The following CBLN2 variants were observed in gnomAD, a reference collection of about 807,000 sequenced individuals.
The protein encoded by CBLN2 is cerebellin-2.
In CBLN2, 7 loss-of-function variants were observed where a neutral mutation model predicts 15.0. The ratio of observed to expected loss-of-function variants is 0.47; its 90% CI spans 0.27 to 0.88. The LOEUF is 0.88. Ranked by LOEUF, CBLN2 falls within the 40% of genes least tolerant of loss-of-function variation. CBLN2 has a pLI of 0.14. For synonymous variants in CBLN2, 149 were observed against 135.2 expected (o/e 1.10, Z -0.71); for missense variants, 242 against 304.5 (o/e 0.79, Z 1.53).
At chr18:72,615,177 T>TTATATATGTGTATATATATGTACA (rs1266412625) in intron 1 of CBLN2, among the ~76,000 whole-genome samples, 7 of 131,500 alleles carry the variant, frequency 5.3e-5, no homozygotes, top group Admixed American at 1.7e-4. Flanking sequence ...AAATATATAT[T>TTATATATGTGTATATATATGTACA]TATATATTAT....
intron 1 of CBLN2, among the ~76,000 whole-genome samples, chr18:72,609,545 G>A (rs1370230624): frequency 6.6e-6 from 1 of 152,156 alleles, no homozygotes; most frequent in East Asian, 1.9e-4. Flanking sequence ...AAACCACCCA[G>A]ACTGTGGTAC....
At chr18:72,590,006 G>A (rs970617066) in intron 1 of CBLN2, among the ~76,000 whole-genome samples, 5 of 152,092 alleles carry the variant, frequency 3.3e-5, no homozygotes, top group African/African-American at 7.2e-5. Context: ...GGTGGCTCTC[G>A]CCTGTAATCC....
At chr18:72,599,526 T>G (rs1458026472) in intron 1 of CBLN2, among the ~76,000 whole-genome samples, 1 of 152,230 alleles carries the variant, frequency 6.6e-6, no homozygotes, top group Admixed American at 6.5e-5. Context: ...TTTATAGAAC[T>G]AATTTTGTGG....
At chr18:72,634,044 T>C (rs930928503) in intron 1 of CBLN2, among the ~76,000 whole-genome samples, 1 of 150,928 alleles carries the variant, frequency 6.6e-6, no homozygotes, top group Admixed American at 6.6e-5. Flanking sequence ...CTTTAAGTTA[T>C]GTTAAATAAA....
intron 1 of CBLN2, among the ~76,000 whole-genome samples, chr18:72,599,456 G>T (rs2069533882): frequency 6.6e-6 from 1 of 152,034 alleles, no homozygotes; most frequent in Non-Finnish European, 1.5e-5. Context: ...TGTATATAAA[G>T]GATATAATCT....
intron 1 of CBLN2, among the ~76,000 whole-genome samples, chr18:72,613,850 G>C (rs1300687922): frequency 6.6e-6 from 1 of 152,124 alleles, no homozygotes; most frequent in African/African-American, 2.4e-5. Context: ...ATTTATTCCT[G>C]TACACCGTTG....
intron 1 of CBLN2, among the ~76,000 whole-genome samples, chr18:72,623,037 G>A (rs144189430): frequency 3.3e-5 from 5 of 152,146 alleles, no homozygotes; most frequent in Admixed American, 3.3e-4. Flanking sequence ...GGAAGCCTCA[G>A]GAAACTTACA....
chr18:72,618,902 A>G, intron 1 of CBLN2: 1 of 729,008 alleles, frequency 1.4e-6, no homozygotes, highest in Non-Finnish European at 2.5e-6. Flanking sequence ...TTTGGTGGGA[A>G]TGACAACTTT....
chr18:72,609,531 G>A (rs538034759), intron 1 of CBLN2, among the ~76,000 whole-genome samples: 2 of 152,108 alleles, frequency 1.3e-5, no homozygotes, highest in African/African-American at 4.8e-5. Context: ...ACTTTATTTC[G>A]CTTAAACCAC....
In CBLN2 at chr18:72,610,830, G is replaced by A. The variant is rs555351201; in HGVS notation, c.15+27495C>T. Among the ~76,000 whole-genome samples the A allele has an allele frequency of 2.2e-4, 34 of 152,190 alleles. 1 individual carries two copies. In the South Asian group the frequency reaches 6.4e-3, roughly 29 times the overall value. ...GTATATTGCATGATGATGAGGTTTG[G>A]GATACAATTGGTCACTTGGGTACTG... On this transcript the variant is annotated intron_variant, in intron 1 of 2. Transcript: ENST00000581073.
chr18:72,598,551 A>C (rs1347562591), intron 1 of CBLN2, among the ~76,000 whole-genome samples: 2 of 152,198 alleles, frequency 1.3e-5, no homozygotes, highest in African/African-American at 2.4e-5. Context: ...TTTCTTGGCC[A>C]CACTGGCTGG....
rs373948488 is a variant in CBLN2 at position 72,596,247 on chromosome 18, C to A, written c.15+42078G>T. The stretch of plus-strand genomic sequence containing the variant: ...ATATTTTATTGCCCATGATTTGAAA[C>A]TGATGACAATTAACACTGCATAAAC... On this transcript the variant is annotated intron_variant, in intron 1 of 2. Transcript: ENST00000581073. Among the ~76,000 whole-genome samples, 4 of 152,054 alleles carry A rather than the reference C, an allele frequency of 2.6e-5. No individual in the cohort carries two copies. In the East Asian group the frequency reaches 7.7e-4, roughly 29 times the overall value.
intron 1 of CBLN2, among the ~76,000 whole-genome samples, chr18:72,619,846 T>G (rs1264926967): frequency 6.6e-6 from 1 of 152,268 alleles, no homozygotes. Context: ...ATGGGATTTG[T>G]GACAGAGGTG....
chr18:72,546,187 C>G (rs2069156525), upstream of CBLN2, among the ~76,000 whole-genome samples: 2 of 152,154 alleles, frequency 1.3e-5, no homozygotes, highest in South Asian at 4.1e-4. Context: ...CCTGTAATCC[C>G]AGCACTTTGG....
At chr18:72,635,539 C>A (rs2069806856) in intron 1 of CBLN2, among the ~76,000 whole-genome samples, 1 of 151,934 alleles carries the variant, frequency 6.6e-6, no homozygotes. Context: ...GGTCAACTGA[C>A]TTATAACAAT....
At chr18:72,629,247 T>C (rs145782370) in intron 1 of CBLN2, among the ~76,000 whole-genome samples, 16 of 152,286 alleles carry the variant, frequency 1.1e-4, no homozygotes, top group African/African-American at 3.1e-4. Context: ...ACTAACAACA[T>C]AGCAGAATTT....
chr18:72,545,075 C>T (rs189413852), upstream of CBLN2, among the ~76,000 whole-genome samples: 43 of 152,244 alleles, frequency 2.8e-4, no homozygotes, highest in South Asian at 2.9e-3. Flanking sequence ...ACCCTCTCCC[C>T]TTTGAAGATT....
At chr18:72,565,724 A>G (rs1171611467) in intron 1 of CBLN2, among the ~76,000 whole-genome samples, 1 of 152,130 alleles carries the variant, frequency 6.6e-6, no homozygotes, top group Non-Finnish European at 1.5e-5. Context: ...AGAGGATGAG[A>G]GGTTCATGGT....
intron 1 of CBLN2, among the ~76,000 whole-genome samples, chr18:72,616,744 G>A (rs2069665378): frequency 6.6e-6 from 1 of 152,004 alleles, no homozygotes; most frequent in African/African-American, 2.4e-5. Flanking sequence ...CATCTATCTT[G>A]AGCTCCAATC....
Sources: gnomAD v4.1 joint callset for allele counts (sites outside exome capture counted in the v4.1 genomes callset) on GRCh38, gnomAD v4.1.1 for gene constraint, MANE v1.5 for transcripts, NCBI Gene and HGNC (gene_info 2026-07-23, HGNC 2026-07-21) for gene names.